MEGF11: variants seen among roughly 807,000 people sequenced by gnomAD.
The protein encoded by MEGF11 is multiple epidermal growth factor-like domains protein 11.
A neutral mutation model predicts 146.6 loss-of-function variants in MEGF11; 126 were observed. That is an observed-to-expected ratio of 0.86 (90% CI 0.74 to 1.00). MEGF11 has a LOEUF of 1.00. Among genes scored for constraint, MEGF11 ranks in the 50% least tolerant of loss-of-function variants. The pLI, the probability that MEGF11 is intolerant of heterozygous loss-of-function variation, is 0.00. For missense variants in MEGF11, 1,509 were observed against 1,521.2 expected (o/e 0.99, Z 0.13); for synonymous variants, 532 against 583.4 (o/e 0.91, Z 1.27).
intron 4 of MEGF11, among the ~76,000 whole-genome samples, chr15:66,095,523 T>A (rs2086507809): frequency 6.6e-6 from 1 of 152,206 alleles, no homozygotes; most frequent in Non-Finnish European, 1.5e-5. Flanking sequence ...ATGGTCCCCT[T>A]TGATGGCCTC....
chr15:66,011,671 T>C (rs536893443), intron 5 of MEGF11, among the ~76,000 whole-genome samples: 1 of 151,974 alleles, frequency 6.6e-6, no homozygotes, highest in African/African-American at 2.4e-5. Context: ...AAACGATGCA[T>C]GTAGCGCCCA....
At chr15:66,005,869 C>G (rs570195316) in intron 5 of MEGF11, among the ~76,000 whole-genome samples, 44 of 152,310 alleles carry the variant, frequency 2.9e-4, no homozygotes, top group African/African-American at 1.0e-3. Flanking sequence ...GAAGAGTAGC[C>G]GGGCTCAAGT....
Position 65,929,818 on chromosome 15 carries a change from T to C in MEGF11, c.1474A>G (p.Ser492Gly). ...SGTWGLNCNE[S>G]CTCANGAACS... ...GCTGCCCCATTGGCACAGGTGCAGC[T>C]CTCGTTGCAGTTCAGGCCCCACGTC... is the stretch of plus-strand genomic sequence containing the variant. The change falls in exon 12 of 26, where the codon AGC becomes GGC. Residue 492 changes from serine to glycine, a missense_variant. By Grantham distance (56) the Ser-to-Gly change is moderately conservative. Transcript: ENST00000395614. 6.3e-7 allele frequency: 1 copy of C among 1,584,678 alleles called. No individual in the cohort carries two copies. The highest frequency in any genetic ancestry group is 8.6e-7 in the Non-Finnish European group (1 of 1,165,634).
rs2091626561 is a variant in MEGF11 at position 66,217,889 on chromosome 15, T to TA, written c.-9+35715dup. The stretch of plus-strand genomic sequence containing the variant: ...GAGAGAGGCTTGGGCCTCAGCTGAG[T>TA]AATGGAGAAGGGTCAGGTCCCTGTC... On this transcript the variant is annotated intron_variant, in intron 1 of 25. Transcript: ENST00000395614. Among the ~76,000 whole-genome samples the TA allele has an allele frequency of 1.4e-4, 22 of 152,246 alleles. 1 individual carries two copies. In the South Asian group the frequency reaches 4.6e-3, roughly 32 times the overall value.
In MEGF11 at chr15:65,982,309, G is replaced by C. The variant is rs1484191544; in HGVS notation, c.574C>G (p.Arg192Gly). ...CGGGGGTCGCAGCTGGCACCGTGTC[G>C]GCACTGGCACGGCAGCTGGCATCCC... Reference protein sequence around the residue: ...GKGCQLPCQCRHGASCDPRAG... With the variant: ...GKGCQLPCQCGHGASCDPRAG... Residue 192 changes from arginine (R) to glycine (G), a missense_variant, in exon 6 of 26, where the codon CGA (arginine) becomes GGA (glycine). Coordinates refer to ENST00000395614, the MANE Select transcript of MEGF11 (RefSeq NM_001385028.1). This position sits in a 1 kb window ranked among gnomAD's most constrained non-coding sequence, Gnocchi z 5.6. 6.5e-7 allele frequency: 1 copy of C among 1,537,418 alleles called. No individual in the cohort carries two copies. The highest frequency in any genetic ancestry group is 8.7e-7 in the Non-Finnish European group (1 of 1,144,482).
At chr15:66,198,692 C>T (rs1717883615) in intron 1 of MEGF11, among the ~76,000 whole-genome samples, 2 of 152,082 alleles carry the variant, frequency 1.3e-5, no homozygotes, top group African/African-American at 2.4e-5. Flanking sequence ...CATCATGTTG[C>T]CCAGGCTGGT....
At chr15:66,099,079 C>G (rs1323875899) in intron 4 of MEGF11, among the ~76,000 whole-genome samples, 1 of 152,170 alleles carries the variant, frequency 6.6e-6, no homozygotes, top group Admixed American at 6.5e-5. Flanking sequence ...CCCAGCAAGG[C>G]TGATAAGGTA....
intron 1 of MEGF11, among the ~76,000 whole-genome samples, chr15:66,161,544 C>A (rs543370155): frequency 1.4e-4 from 21 of 152,178 alleles, no homozygotes; most frequent in African/African-American, 4.6e-4. Context: ...TACCACCATG[C>A]CTGGCTAAAT....
intron 5 of MEGF11, among the ~76,000 whole-genome samples, chr15:66,073,671 T>C (rs2085462338): frequency 6.6e-6 from 1 of 152,202 alleles, no homozygotes; most frequent in South Asian, 2.1e-4. Flanking sequence ...GGGCTCCTCT[T>C]TGTGGCATGA....
intron 5 of MEGF11, among the ~76,000 whole-genome samples, chr15:66,018,715 G>A (rs554184175): frequency 1.3e-5 from 2 of 152,282 alleles, no homozygotes; most frequent in East Asian, 3.9e-4. Flanking sequence ...CTCTGTGTGA[G>A]TGTGTGTGGG....
chr15:65,945,611 T>C (rs1380230339), intron 10 of MEGF11, among the ~76,000 whole-genome samples: 3 of 152,000 alleles, frequency 2.0e-5, no homozygotes, highest in East Asian at 1.9e-4. Context: ...GCACATGAGA[T>C]GGTGTTTATT....
At chr15:66,122,431 G>A (rs1000323500) in intron 3 of MEGF11, among the ~76,000 whole-genome samples, 4 of 152,126 alleles carry the variant, frequency 2.6e-5, no homozygotes, top group Admixed American at 6.5e-5. Flanking sequence ...CCAGGACTTC[G>A]GCTTCTCAGC....
chr15:66,246,710 C>T (rs1266687931), intron 1 of MEGF11, among the ~76,000 whole-genome samples: 1 of 152,062 alleles, frequency 6.6e-6, no homozygotes. Context: ...ACTTGGGAGG[C>T]TTAGGTGGGA....
At chr15:66,174,873 A>G (rs1567272668) in intron 1 of MEGF11, among the ~76,000 whole-genome samples, 1 of 152,100 alleles carries the variant, frequency 6.6e-6, no homozygotes, top group Non-Finnish European at 1.5e-5. Flanking sequence ...GTCCTCTTCA[A>G]TTTCTTTCAT....
At chr15:66,169,189 C>T (rs2090177707) in intron 1 of MEGF11, among the ~76,000 whole-genome samples, 1 of 152,256 alleles carries the variant, frequency 6.6e-6, no homozygotes, top group Non-Finnish European at 1.5e-5. Context: ...GCACAGACCG[C>T]AGCGTCCTGC....
At chr15:65,904,625 G>A (rs773211508) in intron 24 of MEGF11, among the ~76,000 whole-genome samples, 1 of 152,162 alleles carries the variant, frequency 6.6e-6, no homozygotes, top group Non-Finnish European at 1.5e-5. Flanking sequence ...GTTGTGTCTT[G>A]GTGTATGTAA....
chr15:66,151,277 G>C (rs2089563379), intron 1 of MEGF11, among the ~76,000 whole-genome samples: 1 of 152,202 alleles, frequency 6.6e-6, no homozygotes. Flanking sequence ...ACAGAGCAAA[G>C]AGAGGACCAA....
chr15:66,195,626 G>A (rs1789930953), intron 1 of MEGF11, among the ~76,000 whole-genome samples: 2 of 152,214 alleles, frequency 1.3e-5, no homozygotes, highest in African/African-American at 4.8e-5. Context: ...GACTCCTAAG[G>A]AGGGTTCCAA....
intron 1 of MEGF11, among the ~76,000 whole-genome samples, chr15:66,134,353 T>C (rs2088792857): frequency 6.6e-6 from 1 of 152,176 alleles, no homozygotes; most frequent in African/African-American, 2.4e-5. Context: ...AACTTATCTA[T>C]GTTCTTAGGC....
Sources: allele counts gnomAD v4.1 joint callset (sites outside exome capture counted in the v4.1 genomes callset), GRCh38; gene constraint gnomAD v4.1.1; non-coding constraint Gnocchi (gnomAD v3.1); transcripts MANE v1.5; gene names NCBI Gene and HGNC (gene_info 2026-07-23, HGNC 2026-07-21).